The following APOL3 variants were observed in gnomAD, a reference collection of about 807,000 sequenced individuals.
APOL3 encodes apolipoprotein L3.
Under a neutral mutation model 11.6 loss-of-function variants are expected in APOL3, and 14 were observed. The observed-to-expected ratio is 1.21, with a 90% CI of 0.80 to 1.89. APOL3 has a LOEUF of 1.89. Ranked by LOEUF, APOL3 falls within the 40% of genes most tolerant of loss-of-function variation. The pLI, the probability that APOL3 is intolerant of heterozygous loss-of-function variation, is 0.00. For synonymous variants in APOL3, 192 were observed against 190.6 expected (o/e 1.01, Z -0.06); for missense variants, 483 against 492.1 (o/e 0.98, Z 0.17).
chr22:36,157,003 A>T (rs1401968986), intron 1 of APOL3: 1 of 456,094 alleles, frequency 2.2e-6, no homozygotes, highest in Non-Finnish European at 4.4e-6. Context: ...CTAGATGCTC[A>T]TCTCTTTTTG....
At position 36,149,100 on chromosome 22, in the gene APOL3, C is replaced by T. The variant is rs959204589; in HGVS notation, c.224-3501G>A. On this transcript the variant is annotated intron_variant, in intron 1 of 2. Coordinates refer to ENST00000349314, the Ensembl canonical transcript of APOL3. ...CTGAGAGACTTTCCATGGAGCTCTCCAGTCACTGACCTGACTGGAAGGGTT... is the reference window on the plus strand; with the variant it reads ...CTGAGAGACTTTCCATGGAGCTCTCTAGTCACTGACCTGACTGGAAGGGTT... 2.9e-6 allele frequency: 4 copies of T among 1,368,176 alleles called. No homozygotes were observed. The South Asian group carries it at 3.4e-5, about 12-fold the overall frequency. The allele number at this position is 1,368,176 out of a possible 1,614,324, so 84.8% of individuals were successfully genotyped here.
intron 1 of APOL3, among the ~76,000 whole-genome samples, chr22:36,158,048 T>G (rs1402207274): frequency 6.6e-6 from 1 of 150,540 alleles, no homozygotes; most frequent in Non-Finnish European, 1.5e-5. Flanking sequence ...AGACTCCATC[T>G]CATAAATAAA....
chr22:36,145,110 C>A (rs1321523427), intron 2 of APOL3, among the ~76,000 whole-genome samples: 1 of 151,980 alleles, frequency 6.6e-6, no homozygotes, highest in Non-Finnish European at 1.5e-5. Flanking sequence ...TAACGGAGCA[C>A]CTACCATGTG....
At chr22:36,148,885 G>C (rs761449234) in intron 1 of APOL3, among the ~76,000 whole-genome samples, 161 bp downstream of exon 2, 1 of 152,218 alleles carries the variant, frequency 6.6e-6, no homozygotes, top group Non-Finnish European at 1.5e-5. Flanking sequence ...ACAGACCCTT[G>C]GGTCGGGGGA....
At chr22:36,149,307 G>C in intron 1 of APOL3, 165 bp from the exon 2 acceptor site, 1 of 1,306,012 alleles carries the variant, frequency 7.7e-7, no homozygotes, top group Non-Finnish European at 1.0e-6. Flanking sequence ...CTGGTATTTA[G>C]AGAAATTCTA....
At chr22:36,163,517 C>A (rs1984538407), upstream of APOL3, among the ~76,000 whole-genome samples, 1 of 152,130 alleles carries the variant, frequency 6.6e-6, no homozygotes, top group South Asian at 2.1e-4. Context: ...AGCTTCATTT[C>A]TTTTCTTTCT....
chr22:36,160,935 A>T, upstream of APOL3: 1 of 1,580,222 alleles, frequency 6.3e-7, no homozygotes, highest in Non-Finnish European at 8.6e-7. Flanking sequence ...CTGCTGATCC[A>T]AGAGCAGCCC....
chr22:36,162,161 T>G (rs1461509304), upstream of APOL3, among the ~76,000 whole-genome samples: 3 of 152,158 alleles, frequency 2.0e-5, no homozygotes, highest in African/African-American at 7.2e-5. Context: ...CATTAGCAGC[T>G]GGGAGGAGAA....
Position 36,149,679 on chromosome 22 carries a change from G to T in APOL3, c.224-4080C>A, listed in dbSNP as rs1235941645. 3 of 363,396 alleles carry T rather than the reference G, an allele frequency of 8.3e-6. No homozygotes were observed. In the East Asian group the frequency reaches 2.2e-4, roughly 27 times the overall value. 22.5% of individuals were successfully genotyped at this position (363,396 alleles called of 1,614,324 possible). A position where few individuals can be genotyped will look rare whatever the true frequency, so the allele number is the denominator to read the frequency against. Reference sequence around the variant, plus strand: ...GCAACCTTGCCATGTTTTCACAATAGGGGTAGAGCCAGGACTTCTGATTCA... The same window carrying T: ...GCAACCTTGCCATGTTTTCACAATATGGGTAGAGCCAGGACTTCTGATTCA... On this transcript the variant is annotated intron_variant, in intron 1 of 2. Coordinates refer to ENST00000349314, the Ensembl canonical transcript of APOL3.
chr22:36,141,595 C>T, exon 3 of APOL3: 1 of 1,614,216 alleles, frequency 6.2e-7, no homozygotes, highest in Non-Finnish European at 8.5e-7. Context: ...GGTGTGATGT[C>T]ACGCATAACT....
rs113413411 is a variant in APOL3, at chr22:36,155,898, C to T, written c.223+4771G>A. 3.3e-3 allele frequency: 551 copies of T among 168,700 alleles called. 4 individuals are homozygous for T. The highest frequency in any genetic ancestry group is 5.1e-3 in the Middle Eastern group (7 of 1,366). The allele number at this position is 168,700 out of a possible 1,614,324, so 10.5% of individuals were successfully genotyped here. ...GCAAGCCTGCAGTTTGGTCAATTCC[C>T]GGAAAGGGACTTTAGTTCCTGGAGG... On this transcript the variant is annotated intron_variant, in intron 1 of 2. Coordinates refer to ENST00000349314, the Ensembl canonical transcript of APOL3.
intron 1 of APOL3, chr22:36,159,600 T>G (rs369676962): frequency 6.6e-6 from 1 of 152,232 alleles, no homozygotes; most frequent in African/African-American, 2.4e-5. Flanking sequence ...TTCTGCAACA[T>G]GCCGTTCTCA....
rs16996437 is a variant in APOL3, at chr22:36,156,862, C to G, written c.223+3807G>C. 1.8e-3 allele frequency: 784 copies of G among 444,442 alleles called. 7 individuals carry two copies. Among genetic ancestry groups the G allele is most frequent in the African/African-American group, 0.014 (701 of 49,994 alleles). The allele number at this position is 444,442 out of a possible 1,614,324, so 27.5% of individuals were successfully genotyped here. A position where few individuals can be genotyped will look rare whatever the true frequency, so the allele number is the denominator to read the frequency against. ...GACTGACCTGGGTGGCCTCTGCCCT[C>G]CGTGGCACAGCCTGGCTGAAATCCG... On this transcript the variant is annotated intron_variant, in intron 1 of 2. Transcript: ENST00000349314.
chr22:36,153,385 G>A (rs904435525), intron 1 of APOL3: 11 of 456,214 alleles, frequency 2.4e-5, no homozygotes, highest in Non-Finnish European at 4.0e-5. Context: ...TGGGAGAAAT[G>A]TCAGCTTCAG....
upstream of APOL3, among the ~76,000 whole-genome samples, chr22:36,164,191 A>T (rs940686946): frequency 1.3e-5 from 2 of 152,242 alleles, no homozygotes; most frequent in Admixed American, 6.5e-5. Context: ...AACGGACTGC[A>T]CAACATCACA....
upstream of APOL3, chr22:36,165,023 C>G (rs924347022): frequency 1.3e-5 from 2 of 152,154 alleles, no homozygotes; most frequent in African/African-American, 4.8e-5. Context: ...CAAGGCATAT[C>G]TCTGCTTGTC....
At chr22:36,159,779 G>A (rs2013485104) in intron 1 of APOL3, 1 of 152,258 alleles carries the variant, frequency 6.6e-6, no homozygotes. Context: ...CATCTCCCAT[G>A]GCCTCAGTTT....
chr22:36,158,165 A>G (rs2013209214), intron 1 of APOL3, among the ~76,000 whole-genome samples: 1 of 152,236 alleles, frequency 6.6e-6, no homozygotes, highest in African/African-American at 2.4e-5. Context: ...TGAACCATAT[A>G]TGTAAGTGAT....
intron 1 of APOL3, among the ~76,000 whole-genome samples, chr22:36,148,167 A>G (rs903292581): frequency 6.6e-6 from 1 of 152,264 alleles, no homozygotes; most frequent in East Asian, 1.9e-4. Context: ...TTCCTCAAAT[A>G]AAGTCTTCAA....
Sources: gnomAD v4.1 joint callset for allele counts (sites outside exome capture counted in the v4.1 genomes callset) on GRCh38, gnomAD v4.1.1 for gene constraint, MANE v1.5 for transcripts, NCBI Gene and HGNC (gene_info 2026-07-23, HGNC 2026-07-21) for gene names.